The following KIF12 variants were observed in gnomAD, a reference collection of about 807,000 sequenced individuals.
KIF12 encodes kinesin family member 12, also known as kinesin-like protein KIF12.
A neutral mutation model predicts 87.9 loss-of-function variants in KIF12; 80 were observed. That is an observed-to-expected ratio of 0.91 (90% confidence interval 0.76 to 1.10). The LOEUF (loss-of-function observed/expected upper bound fraction) is 1.10. Ranked by LOEUF, KIF12 falls within the 50% of genes least tolerant of loss-of-function variation. The probability of loss-of-function intolerance (pLI) is 0.00; values close to 1 mark genes in which losing one functional copy is unlikely to be tolerated. For synonymous variants in KIF12, 353 were observed against 348.5 expected, an observed-to-expected ratio of 1.01 and a Z score of -0.14; for missense variants, 819 against 865.3, an observed-to-expected ratio of 0.95 and a Z score of 0.67.
At chr9:114,094,644 G>T (rs535919981) in intron 11 of KIF12, among the ~76,000 whole-genome samples, 189 bp from the exon 12 acceptor site, 31 of 152,150 alleles carry the variant, frequency 2.0e-4, no homozygotes, top group Non-Finnish European at 4.1e-4. Flanking sequence ...GTCCTGGAGG[G>T]CCCCACTCTG....
intron 5 of KIF12, 32 bp downstream of exon 5, chr9:114,098,083 G>C: frequency 1.3e-6 from 2 of 1,539,442 alleles, no homozygotes; most frequent in Non-Finnish European, 1.8e-6. Flanking sequence ...ACCCAGCCCC[G>C]CCCCGCGGGG....
Position 114,096,423 on chromosome 9 carries a change from G to T in KIF12, c.702C>A (p.Ser234Arg), listed in dbSNP as rs1847233791. The part of the protein sequence containing the change: ...AHTLNQASSR[S>R]HALLTLYISR... ...TGATGTAAAGGGTGAGCAGGGCATG[G>T]CTTCGGCTGGAGGCCTGGTTCAGGG... The change falls in exon 8 of 19, where the codon AGC becomes AGA. Residue 234 changes from serine (S) to arginine (R), a missense_variant. Ser to Arg is a moderately radical substitution (Grantham distance 110). Transcript: ENST00000640217. 3 of 1,613,048 alleles carry T rather than the reference G, an allele frequency of 1.9e-6. No homozygotes were observed. Among genetic ancestry groups the T allele is most frequent in the Non-Finnish European group, 1.7e-6 (2 of 1,179,706 alleles).
At position 114,096,201 on chromosome 9, in the gene KIF12, G is replaced by C. The variant is rs767165166; in HGVS notation, c.745C>G (p.Gln249Glu). Residue 249 changes from glutamine to glutamate, a missense_variant, in exon 9 of 19, where the codon CAG becomes GAG. Transcript: ENST00000640217. ...TLYISRQTAQ[Q>E]MPSVDPGEPP... ...TCCCCAGGGTCCACAGAAGGCATCT[G>C]CTGGGCCTGAGGGATCAGAGCTTCA... 3 of 1,613,700 alleles carry C rather than the reference G, an allele frequency of 1.9e-6. No individual in the cohort carries two copies. Among genetic ancestry groups the C allele is most frequent in the Admixed American group, 3.3e-5 (2 of 59,996 alleles).
At position 114,092,467 on chromosome 9, in the gene KIF12, T is replaced by C; in HGVS notation, c.1698-16A>G. On this transcript the variant is annotated splice_polypyrimidine_tract_variant and intron_variant, in intron 17 of 18. Transcript: ENST00000640217. ...ACTGTGACTCCTGGGCCAGGGTGAG[T>C]TGGGAGATGGGAGGTGAGCCTTTGA... 1.9e-6 allele frequency: 3 copies of C among 1,612,944 alleles called. No individual in the cohort carries two copies. In the South Asian group the frequency reaches 3.3e-5, roughly 18 times the overall value.
intron 7 of KIF12, 94 bp from the exon 8 acceptor site, chr9:114,096,572 C>T: frequency 1.9e-6 from 2 of 1,065,718 alleles, no homozygotes; most frequent in Non-Finnish European, 2.8e-6. Context: ...GCGGAAGGGT[C>T]AGCCTCATGC....
At position 114,095,090 on chromosome 9, in the gene KIF12, T is replaced by G. The variant is rs1384296459; in HGVS notation, c.1052A>C (p.Glu351Ala). The part of the protein sequence containing the change: ...CVSPSAQCLP[E>A]TLSTLRYASR... The stretch of plus-strand genomic sequence containing the variant: ...TGCATATCGCAGGGTGCTGAGAGTC[T>G]CAGGAAGGCACTGGGCTGAGGGGGA... Residue 351 changes from glutamate to alanine, a missense_variant, in exon 11 of 19, where the codon GAG becomes GCG. Physicochemically the swap from Glu to Ala is moderately radical, Grantham distance 107 (BLOSUM62 -1). Transcript: ENST00000640217. 1 of 1,610,476 alleles carries G rather than the reference T, an allele frequency of 6.2e-7. No individual in the cohort carries two copies. Among genetic ancestry groups the G allele is most frequent in the Non-Finnish European group, 8.5e-7 (1 of 1,178,226 alleles).
intron 5 of KIF12, 55 bp downstream of exon 5, chr9:114,098,060 G>A: frequency 6.7e-7 from 1 of 1,498,464 alleles, no homozygotes; most frequent in Non-Finnish European, 9.0e-7. Context: ...CGGCTCCCCA[G>A]GGCTTCCAGC....
intron 16 of KIF12, 192 bp downstream of exon 16, chr9:114,093,037 G>T: frequency 8.3e-7 from 1 of 1,201,804 alleles, no homozygotes; most frequent in Non-Finnish European, 1.1e-6. Context: ...CCCTGACAGG[G>T]CAGGGTGAGG....
chr9:114,098,501 T>TGGAGGAGGGCGGGGCCCGCG, intron 3 of KIF12, 72 bp from the exon 4 acceptor site: 1 of 767,784 alleles, frequency 1.3e-6, no homozygotes, highest in Non-Finnish European at 1.7e-6. Context: ...CGGGGCACCG[T>TGGAGGAGGGCGGGGCCCGCG]GGAGGAGGGC....
intron 7 of KIF12, 43 bp from the exon 8 acceptor site, chr9:114,096,521 C>G (rs1421923998): frequency 6.7e-7 from 1 of 1,483,874 alleles, no homozygotes; most frequent in Non-Finnish European, 9.3e-7. Context: ...GTAGGAAGAA[C>G]AGGTCATCAT....
At chr9:114,094,568 C>T (rs981532200) in intron 11 of KIF12, 113 bp from the exon 12 acceptor site, 22 of 655,118 alleles carry the variant, frequency 3.4e-5, no homozygotes, top group Admixed American at 8.0e-5. Flanking sequence ...ATGCTTCATT[C>T]GTCAGCCTTG....
intron 16 of KIF12, 139 bp from the exon 17 acceptor site, chr9:114,092,781 G>A: frequency 6.8e-7 from 1 of 1,477,296 alleles, no homozygotes. Flanking sequence ...AAAGGGGTGG[G>A]GTCTTGGTCG....
intron 16 of KIF12, 107 bp downstream of exon 16, chr9:114,093,122 G>A: frequency 8.2e-7 from 1 of 1,216,902 alleles, no homozygotes. Context: ...CACTCCCCAT[G>A]ATCTAGCCTG....
At chr9:114,099,058 T>C in intron 2 of KIF12, 45 bp from the exon 3 acceptor site, 3 of 1,550,462 alleles carry the variant, frequency 1.9e-6, no homozygotes, top group Non-Finnish European at 8.7e-7. Context: ...GATGTCTTCC[T>C]CGATCCTTGT....
intron 3 of KIF12, 85 bp downstream of exon 3, chr9:114,098,849 CG>C: frequency 6.9e-7 from 1 of 1,451,996 alleles, no homozygotes; most frequent in Non-Finnish European, 9.3e-7. Context: ...CGGGGGAGCG[CG>C]GGGCCTAGGG....
chr9:114,092,231 C>A, intron 18 of KIF12, 102 bp downstream of exon 18: 57 of 1,482,780 alleles, frequency 3.8e-5, no homozygotes, highest in Non-Finnish European at 5.0e-5. Flanking sequence ...CACCTCTCAA[C>A]ACCCACCCCA....
In KIF12 at chr9:114,099,023, G is replaced by A. The variant is rs1205539624; in HGVS notation, c.93-10C>T. On this transcript the variant is annotated splice_polypyrimidine_tract_variant and intron_variant, in intron 2 of 18. Transcript: ENST00000640217. ...GCTCATGGGACGTACCCTGGGGTCC[G>A]ACAGAAGGGCAGATGGTACATCCTG... is the stretch of plus-strand genomic sequence containing the variant. 1.3e-6 allele frequency: 2 copies of A among 1,550,172 alleles called. No individual in the cohort carries two copies. Among genetic ancestry groups the A allele is most frequent in the Admixed American group, 2.0e-5 (1 of 50,986 alleles).
chr9:114,098,643 C>T (rs1847349481), intron 3 of KIF12, among the ~76,000 whole-genome samples: 3 of 83,638 alleles, frequency 3.6e-5, no homozygotes, highest in Admixed American at 3.2e-4. Flanking sequence ...CTCACTAGGG[C>T]CGGGGCATTC....
chr9:114,098,119 G>C lies in KIF12; in HGVS notation c.371C>G (p.Pro124Arg), dbSNP rs2134910102. ...GCGCCGCCGGCGCTCGCTCACCTGGGGAGGGGGTCCAGTCAGGGTGTAGGT... is the reference window on the plus strand; with the variant it reads ...GCGCCGCCGGCGCTCGCTCACCTGGCGAGGGGGTCCAGTCAGGGTGTAGGT... The part of the protein sequence containing the change: ...GKTYTLTGPP[P>R]QGEGVPVPPS... Residue 124 changes from proline (P) to arginine (R), a missense_variant, in exon 5 of 19, where the codon CCC becomes CGC. Transcript: ENST00000640217. 6.5e-7 allele frequency: 1 copy of C among 1,547,630 alleles called. No homozygotes were observed. Among genetic ancestry groups the C allele is most frequent in the Non-Finnish European group, 8.7e-7 (1 of 1,146,182 alleles).
Sources: allele counts gnomAD v4.1 joint callset (sites outside exome capture counted in the v4.1 genomes callset), GRCh38; gene constraint gnomAD v4.1.1; transcripts MANE v1.5; gene names NCBI Gene and HGNC (gene_info 2026-07-23, HGNC 2026-07-21).